Variants in RBFOX1 observed in about 807,000 individuals in gnomAD.
RBFOX1 encodes the protein RNA binding protein fox-1 homolog 1.
A neutral mutation model predicts 57.7 loss-of-function variants in RBFOX1; 8 were observed. That is an observed-to-expected ratio of 0.14 (90% CI 0.08 to 0.25). The LOEUF is 0.25. Among genes scored for constraint, RBFOX1 ranks in the 10% least tolerant of loss-of-function variants. The probability of loss-of-function intolerance (pLI) is 1.00; values close to 1 mark genes in which losing one functional copy is unlikely to be tolerated. For missense variants in RBFOX1, 611 were observed against 548.5 expected (o/e 1.11, Z -1.14); for synonymous variants, 326 against 222.4 (o/e 1.47, Z -4.15).
intron 4 of RBFOX1, among the ~76,000 whole-genome samples, chr16:7,088,853 C>T (rs1400573852): frequency 6.6e-6 from 1 of 152,188 alleles, no homozygotes; most frequent in Non-Finnish European, 1.5e-5. Flanking sequence ...CTCTGTCTTT[C>T]ATCAGCATCA....
At chr16:7,549,814 T>C (rs1895554286) in intron 5 of RBFOX1, among the ~76,000 whole-genome samples, 1 of 152,210 alleles carries the variant, frequency 6.6e-6, no homozygotes, top group South Asian at 2.1e-4. Flanking sequence ...GTCCACTGAC[T>C]CAATGATAAT....
chr16:6,670,989 G>T (rs1444681871), intron 3 of RBFOX1, among the ~76,000 whole-genome samples: 1 of 152,134 alleles, frequency 6.6e-6, no homozygotes, highest in Non-Finnish European at 1.5e-5. Flanking sequence ...GACAGAGCGA[G>T]ACTCCATCTC....
At chr16:5,668,702 G>A (rs886113365) in intron 3 of RBFOX1, among the ~76,000 whole-genome samples, 17 of 152,134 alleles carry the variant, frequency 1.1e-4, no homozygotes, top group African/African-American at 3.9e-4. Context: ...CTCTGTATGT[G>A]ACAAGTCTGT....
At chr16:7,631,165 TGAGGAGGAG>T (rs3837772) in intron 11 of RBFOX1, among the ~76,000 whole-genome samples, 9 of 150,056 alleles carry the variant, frequency 6.0e-5, no homozygotes, top group South Asian at 2.1e-4. Flanking sequence ...GTAATTCCAA[TGAGGAGGAG>T]GAGGAGGAGG....
At chr16:6,796,493 A>G (rs1450209753) in intron 3 of RBFOX1, among the ~76,000 whole-genome samples, 1 of 152,190 alleles carries the variant, frequency 6.6e-6, no homozygotes, top group East Asian at 1.9e-4. Context: ...TCCATTTTCA[A>G]TAAATAACTC....
rs183289621 is a variant in RBFOX1 at position 6,956,970 on chromosome 16, C to A, written c.-15-95087C>A. ...TTTGGATTTCACACAAGAAAGAATTCAGGGCAAGTCTGCAGAGTAAAGTGA... is the reference window on the plus strand; with the variant it reads ...TTTGGATTTCACACAAGAAAGAATTAAGGGCAAGTCTGCAGAGTAAAGTGA... On this transcript the variant is annotated intron_variant, in intron 3 of 15. Coordinates refer to ENST00000550418, the MANE Select transcript of RBFOX1 (RefSeq NM_018723.4). 2.1e-3 allele frequency among the ~76,000 whole-genome samples: 323 copies of A among 151,892 alleles called. 1 individual carries two copies. Among genetic ancestry groups the A allele is most frequent in the South Asian group, 3.5e-3 (17 of 4,820 alleles).
Position 7,374,454 on chromosome 16 carries a change from G to T in RBFOX1, c.28-143693G>T, listed in dbSNP as rs79570860. On this transcript the variant is annotated intron_variant, in intron 4 of 15. Transcript: ENST00000550418. Reference sequence around the variant, plus strand: ...AGTTGAATAATTCATTAGGGCTTGAGTTCCAAGATATGGTGTAACTGTATC... The same window carrying T: ...AGTTGAATAATTCATTAGGGCTTGATTTCCAAGATATGGTGTAACTGTATC... Among the ~76,000 whole-genome samples, 671 of 152,206 alleles carry T rather than the reference G, an allele frequency of 4.4e-3. 2 individuals carry two copies. The highest frequency in any genetic ancestry group is 7.8e-3 in the Non-Finnish European group (528 of 68,014).
chr16:6,778,829 C>G (rs923559938), intron 3 of RBFOX1, among the ~76,000 whole-genome samples: 1 of 151,716 alleles, frequency 6.6e-6, no homozygotes, highest in Non-Finnish European at 1.5e-5. Context: ...CCTATCAAAA[C>G]AATTTAATTG....
intron 3 of RBFOX1, among the ~76,000 whole-genome samples, chr16:6,988,675 CAGCCTT>C (rs2090819962): frequency 6.6e-6 from 1 of 151,532 alleles, no homozygotes; most frequent in African/African-American, 2.4e-5. Flanking sequence ...GCCTCAGCCT[CAGCCTT>C]AGCCTCCTGA....
rs539415762 is a variant in RBFOX1 at position 7,240,311 on chromosome 16, C to A, written c.27+188213C>A. On this transcript the variant is annotated intron_variant, in intron 4 of 15. Transcript: ENST00000550418. Reference sequence around the variant, plus strand: ...ATAATAATAATGAATGTTTACGGAGCAGTGTTCATCAGGTAGTGTTCTAAG... The same window carrying A: ...ATAATAATAATGAATGTTTACGGAGAAGTGTTCATCAGGTAGTGTTCTAAG... 2.0e-5 allele frequency among the ~76,000 whole-genome samples: 3 copies of A among 152,184 alleles called. No individual in the cohort carries two copies. In the South Asian group the frequency reaches 6.2e-4, roughly 32 times the overall value.
At chr16:6,288,492 A>G (rs1457386559) in intron 1 of RBFOX1, among the ~76,000 whole-genome samples, 1 of 152,156 alleles carries the variant, frequency 6.6e-6, no homozygotes, top group Non-Finnish European at 1.5e-5. Flanking sequence ...CATACATACT[A>G]TTGTACATAC....
At chr16:7,680,905 C>T (rs367982746) in intron 14 of RBFOX1, among the ~76,000 whole-genome samples, 1 of 151,660 alleles carries the variant, frequency 6.6e-6, no homozygotes, top group East Asian at 1.9e-4. Context: ...CACACACGTA[C>T]ACACACACAC....
At chr16:7,545,483 C>G (rs372099830) in intron 5 of RBFOX1, among the ~76,000 whole-genome samples, 1 of 152,148 alleles carries the variant, frequency 6.6e-6, no homozygotes, top group Non-Finnish European at 1.5e-5. Context: ...TGGCACCCCC[C>G]GACCTTCCCT....
chr16:7,322,000 G>C (rs940139332), intron 4 of RBFOX1, among the ~76,000 whole-genome samples: 3 of 152,200 alleles, frequency 2.0e-5, no homozygotes, highest in South Asian at 2.1e-4. Context: ...TCTCTGTCTT[G>C]TCTGCAAAAC....
chr16:7,086,721 TACAC>T (rs71280731), intron 4 of RBFOX1, among the ~76,000 whole-genome samples: 1 of 149,474 alleles, frequency 6.7e-6, no homozygotes, highest in East Asian at 2.0e-4. Flanking sequence ...GAAGAATGTA[TACAC>T]ACACACACAC....
intron 1 of RBFOX1, among the ~76,000 whole-genome samples, chr16:5,401,575 T>A (rs1021316450): frequency 6.6e-6 from 1 of 152,172 alleles, no homozygotes; most frequent in African/African-American, 2.4e-5. Context: ...TTGACACCCT[T>A]CCCCTAAAAA....
At chr16:6,387,229 C>T (rs796895877) in intron 2 of RBFOX1, among the ~76,000 whole-genome samples, 72 of 152,270 alleles carry the variant, frequency 4.7e-4, no homozygotes, top group African/African-American at 1.6e-3. Context: ...CAGCCTTCAT[C>T]ACATCACTCA....
At position 7,249,941 on chromosome 16, in the gene RBFOX1, A is replaced by C. The variant is rs534398566; in HGVS notation, c.27+197843A>C. ...CACTCTCAACAGTAGTGTTTAAGAG[A>C]CTCTTTCTCTAAATCTCCTTTAATA... On this transcript the variant is annotated intron_variant, in intron 4 of 15. Coordinates refer to ENST00000550418, the MANE Select transcript of RBFOX1 (RefSeq NM_018723.4). 1.2e-3 allele frequency among the ~76,000 whole-genome samples: 184 copies of C among 152,300 alleles called. 4 individuals are homozygous for C. In the South Asian group the frequency reaches 0.034, roughly 28 times the overall value.
At chr16:5,626,594 C>G (rs1026074366) in intron 3 of RBFOX1, among the ~76,000 whole-genome samples, 1 of 152,156 alleles carries the variant, frequency 6.6e-6, no homozygotes, top group South Asian at 2.1e-4. Flanking sequence ...TCCTTCCTCT[C>G]CAAAATCCTT....
Sources: allele counts gnomAD v4.1 joint callset (sites outside exome capture counted in the v4.1 genomes callset), GRCh38; gene constraint gnomAD v4.1.1; transcripts MANE v1.5; gene names NCBI Gene and HGNC (gene_info 2026-07-23, HGNC 2026-07-21).